RAB3B: variants seen among roughly 807,000 people sequenced by gnomAD.
RAB3B encodes ras-related protein Rab-3B.
A neutral mutation model predicts 20.5 loss-of-function variants in RAB3B; 11 were observed. The observed-to-expected ratio is 0.54, with a 90% CI of 0.34 to 0.89. The LOEUF (loss-of-function observed/expected upper bound fraction) is 0.89. Ranked by LOEUF, RAB3B falls within the 40% of genes least tolerant of loss-of-function variation. RAB3B has a pLI of 0.02. For missense variants in RAB3B, 225 were observed against 280.9 expected, an observed-to-expected ratio of 0.80 and a Z score of 1.42; for synonymous variants, 99 against 106.3, an observed-to-expected ratio of 0.93 and a Z score of 0.42.
At position 51,917,188 on chromosome 1, in the gene RAB3B, C is replaced by G. The variant is rs544638719; in HGVS notation, c.*2739G>C. 1 of 152,038 alleles carries G rather than the reference C, an allele frequency of 6.6e-6. No individual in the cohort carries two copies. The highest frequency in any genetic ancestry group is 1.5e-5 in the Non-Finnish European group (1 of 68,026). The allele number at this position is 152,038 out of a possible 1,614,324, so 9.4% of individuals were successfully genotyped here. A position where few individuals can be genotyped will look rare whatever the true frequency, so the allele number is the denominator to read the frequency against. ...TTGGGAAGATAAATGAGTTAATGCA[C>G]GTAAAATGCTTGGAACAATGTCTAG... On this transcript the variant is annotated 3_prime_UTR_variant, in exon 5 of 5. Coordinates refer to ENST00000371655, the MANE Select transcript of RAB3B (RefSeq NM_002867.4).
chr1:51,977,184 A>G (rs757991895), intron 1 of RAB3B, 67 bp from the exon 2 acceptor site: 109 of 1,189,602 alleles, frequency 9.2e-5, no homozygotes, highest in Non-Finnish European at 1.3e-4. Context: ...CCATCCTTCT[A>G]ATGGTCACCC....
At chr1:51,948,179 A>T (rs1282200739) in intron 2 of RAB3B, among the ~76,000 whole-genome samples, 1 of 152,228 alleles carries the variant, frequency 6.6e-6, no homozygotes, top group Non-Finnish European at 1.5e-5. Context: ...TGTTCTATAA[A>T]AACGGCAACT....
At chr1:51,980,715 C>T (rs970108944) in intron 1 of RAB3B, 4 of 756,076 alleles carry the variant, frequency 5.3e-6, no homozygotes, top group Non-Finnish European at 9.7e-6. Context: ...CAATTCACAG[C>T]AAAGTAGTCA....
At chr1:51,980,338 G>A (rs185708929) in intron 1 of RAB3B, 19 of 312,850 alleles carry the variant, frequency 6.1e-5, no homozygotes, top group African/African-American at 3.6e-4. Flanking sequence ...TGAAGCAGGA[G>A]TATTATTTGA....
At chr1:51,958,762 C>T (rs1226529521) in intron 2 of RAB3B, among the ~76,000 whole-genome samples, 2 of 151,424 alleles carry the variant, frequency 1.3e-5, no homozygotes, top group Non-Finnish European at 2.9e-5. Context: ...CCTACTCATT[C>T]TAGAGAGGCT....
chr1:51,946,030 G>A (rs991088931), intron 2 of RAB3B, among the ~76,000 whole-genome samples: 2 of 152,152 alleles, frequency 1.3e-5, no homozygotes, highest in Admixed American at 1.3e-4. Context: ...TCCAAATATA[G>A]AAGTATTTAT....
Position 51,918,115 on chromosome 1 carries a change from C to A in RAB3B, c.*1812G>T, listed in dbSNP as rs181299107. 1 of 152,234 alleles carries A rather than the reference C, an allele frequency of 6.6e-6. No homozygotes were observed. The highest frequency in any genetic ancestry group is 1.9e-4 in the East Asian group (1 of 5,192). 9.4% of individuals were successfully genotyped at this position (152,234 alleles called of 1,614,324 possible). A position where few individuals can be genotyped will look rare whatever the true frequency, so the allele number is the denominator to read the frequency against. On this transcript the variant is annotated 3_prime_UTR_variant, in exon 5 of 5. Transcript: ENST00000371655. ...CTAATTTATTCTGGTCTCTGAGTTTCTTTTATTTTTTTCCTCAGGTATTTA... is the reference window on the plus strand; with the variant it reads ...CTAATTTATTCTGGTCTCTGAGTTTATTTTATTTTTTTCCTCAGGTATTTA...
In RAB3B at chr1:51,918,439, A is replaced by G. The variant is rs1684118333; in HGVS notation, c.*1488T>C. 6.6e-6 allele frequency: 1 copy of G among 152,278 alleles called. No individual in the cohort carries two copies. The allele number at this position is 152,278 out of a possible 1,614,324, so 9.4% of individuals were successfully genotyped here. The stretch of plus-strand genomic sequence containing the variant: ...GAAAAGGCAAGTCCCAGGAGTCATG[A>G]TTCCTGTTCTCAAATAGTCTGAAGA... On this transcript the variant is annotated 3_prime_UTR_variant, in exon 5 of 5. Coordinates refer to ENST00000371655, the MANE Select transcript of RAB3B (RefSeq NM_002867.4).
chr1:51,960,159 G>A (rs933246487), intron 2 of RAB3B, among the ~76,000 whole-genome samples: 2 of 152,242 alleles, frequency 1.3e-5, no homozygotes, highest in African/African-American at 4.8e-5. Flanking sequence ...AAGGGCAAAG[G>A]AGAGAGCTAG....
chr1:51,960,064 A>G (rs1684765562), intron 2 of RAB3B, among the ~76,000 whole-genome samples: 1 of 152,078 alleles, frequency 6.6e-6, no homozygotes, highest in African/African-American at 2.4e-5. Flanking sequence ...CTGGAGTGAC[A>G]GCGATTATGG....
intron 2 of RAB3B, among the ~76,000 whole-genome samples, chr1:51,955,007 AC>A (rs567990329): frequency 1.0e-3 from 154 of 152,352 alleles, no homozygotes; most frequent in African/African-American, 3.5e-3. Flanking sequence ...AGGGCCTATC[AC>A]CCGGAAGACA....
chr1:51,931,991 A>G (rs561318860), intron 4 of RAB3B, among the ~76,000 whole-genome samples: 7 of 152,268 alleles, frequency 4.6e-5, no homozygotes, highest in African/African-American at 1.7e-4. Flanking sequence ...AATGGACCAC[A>G]TGGAGGCACT....
chr1:51,952,863 TTC>T (rs1684658551), intron 2 of RAB3B, among the ~76,000 whole-genome samples: 3 of 152,126 alleles, frequency 2.0e-5, no homozygotes, highest in Admixed American at 1.3e-4. Flanking sequence ...TCTTCCCCTG[TTC>T]TCTCCCTTCA....
intron 2 of RAB3B, among the ~76,000 whole-genome samples, chr1:51,969,820 A>G (rs1684904020): frequency 6.6e-6 from 1 of 152,208 alleles, no homozygotes; most frequent in African/African-American, 2.4e-5. Context: ...TTACACTAAG[A>G]GCTTTTAAAT....
intron 1 of RAB3B, among the ~76,000 whole-genome samples, chr1:51,978,733 G>C (rs1398476393): frequency 6.6e-6 from 1 of 152,152 alleles, no homozygotes; most frequent in Non-Finnish European, 1.5e-5. Context: ...GAGGGTGGGA[G>C]GACAGCATTC....
Position 51,919,803 on chromosome 1 carries a change from A to C in RAB3B, c.*124T>G. 1 of 1,002,702 alleles carries C rather than the reference A, an allele frequency of 1.0e-6. No individual in the cohort carries two copies. Among genetic ancestry groups the C allele is most frequent in the South Asian group, 1.8e-5 (1 of 54,842 alleles). 62.1% of individuals were successfully genotyped at this position (1,002,702 alleles called of 1,614,324 possible). ...GGCAGGCAAAGAATAGCAGCAACTC[A>C]TCTTGCTCTGAGTGTGGGCAGTGTG... is the stretch of plus-strand genomic sequence containing the variant. On this transcript the variant is annotated 3_prime_UTR_variant, in exon 5 of 5. Transcript: ENST00000371655.
intron 1 of RAB3B, among the ~76,000 whole-genome samples, chr1:51,978,881 T>C (rs1033768275): frequency 5.3e-5 from 8 of 152,228 alleles, no homozygotes; most frequent in African/African-American, 1.7e-4. Context: ...AGCTGATTAA[T>C]GTAGGTTTAA....
intron 4 of RAB3B, among the ~76,000 whole-genome samples, chr1:51,924,636 G>A (rs1199242407): frequency 6.6e-6 from 1 of 152,142 alleles, no homozygotes; most frequent in African/African-American, 2.4e-5. Context: ...CTTGTGTCAT[G>A]CCAAAGAGAT....
At chr1:51,947,206 GGCAA>G (rs1684576938) in intron 2 of RAB3B, among the ~76,000 whole-genome samples, 1 of 152,042 alleles carries the variant, frequency 6.6e-6, no homozygotes, top group African/African-American at 2.4e-5. Flanking sequence ...GACCAGCCTG[GGCAA>G]TATGGTGAAA....
Sources: allele counts gnomAD v4.1 joint callset (sites outside exome capture counted in the v4.1 genomes callset), GRCh38; gene constraint gnomAD v4.1.1; transcripts MANE v1.5; gene names NCBI Gene and HGNC (gene_info 2026-07-23, HGNC 2026-07-21).